BCAR3: variants seen among roughly 807,000 people sequenced by gnomAD.
BCAR3 encodes breast cancer anti-estrogen resistance protein 3.
A neutral mutation model predicts 80.1 loss-of-function variants in BCAR3; 37 were observed. That is an observed-to-expected ratio of 0.46 (90% CI 0.36 to 0.61). The LOEUF (loss-of-function observed/expected upper bound fraction) is 0.61, where lower values mean the gene tolerates loss of function less well. BCAR3 is among the 20% of genes least tolerant of loss of function. The pLI is 0.00. For missense variants in BCAR3, 978 were observed against 1,068.2 expected (o/e 0.92, Z 1.18); for synonymous variants, 389 against 418.9 (o/e 0.93, Z 0.87).
Position 93,568,663 on chromosome 1 carries a change from AAAAT to A in BCAR3, c.1975-816_1975-813del, listed in dbSNP as rs1256229760. On this transcript the variant is annotated intron_variant, in intron 9 of 11. Transcript: ENST00000260502. ...CCTGTCTATACGCACACCCCTTTTA[AAAAT>A]AAATACATGCATATTATATACTACA... 7.0e-4 allele frequency among the ~76,000 whole-genome samples: 106 copies of A among 152,330 alleles called. 1 individual carries two copies. Among genetic ancestry groups the A allele is most frequent in the Non-Finnish European group, 3.8e-4 (26 of 68,040 alleles).
chr1:93,828,742 C>T (rs751753334), intron 2 of BCAR3, among the ~76,000 whole-genome samples: 82 of 151,988 alleles, frequency 5.4e-4, no homozygotes, highest in Non-Finnish European at 8.5e-4. Flanking sequence ...TCACCCAGGC[C>T]GGAGTGCAGT....
intron 2 of BCAR3, among the ~76,000 whole-genome samples, chr1:93,838,410 T>G (rs1654843219): frequency 6.6e-6 from 1 of 152,218 alleles, no homozygotes. Flanking sequence ...TGAGAACACA[T>G]GTACTACTAT....
At chr1:93,711,682 A>G (rs957337330) in intron 2 of BCAR3, among the ~76,000 whole-genome samples, 4 of 152,226 alleles carry the variant, frequency 2.6e-5, no homozygotes, top group Non-Finnish European at 5.9e-5. Flanking sequence ...CCCAGAGCCT[A>G]GTACAGTACC....
At chr1:93,839,139 T>C (rs1654871567) in intron 2 of BCAR3, among the ~76,000 whole-genome samples, 2 of 151,964 alleles carry the variant, frequency 1.3e-5, no homozygotes, top group Admixed American at 6.6e-5. Flanking sequence ...ACTAAAAATA[T>C]AAAATTAGCT....
intron 8 of BCAR3, among the ~76,000 whole-genome samples, 191 bp downstream of exon 8, chr1:93,575,823 C>T (rs1231006367): frequency 6.6e-6 from 1 of 152,226 alleles, no homozygotes; most frequent in African/African-American, 2.4e-5. Context: ...CTGAGTTGTG[C>T]TGTCTTTGTG....
chr1:93,652,984 A>G (rs1014204748), intron 2 of BCAR3, among the ~76,000 whole-genome samples: 1 of 152,222 alleles, frequency 6.6e-6, no homozygotes, highest in Non-Finnish European at 1.5e-5. Flanking sequence ...TCTCATTAGT[A>G]ACCAGATTGA....
rs144486632 is a variant in BCAR3 at position 93,731,123 on chromosome 1, T to C, written c.-62-24981A>G. Among the ~76,000 whole-genome samples the C allele has an allele frequency of 4.9e-3, 750 of 152,274 alleles. 5 individuals are homozygous for C. Among genetic ancestry groups the C allele is most frequent in the African/African-American group, 0.017 (703 of 41,544 alleles). ...AGTAAGTACTCTTCAGAACTGCCAG[T>C]GTCATCAGAACAAGGAAAGTCAGAA... is the stretch of plus-strand genomic sequence containing the variant. On this transcript the variant is annotated intron_variant, in intron 2 of 13. Transcript: ENST00000370244.
chr1:93,570,830 A>G lies in BCAR3; in HGVS notation c.1974+840T>C, dbSNP rs541674273. On this transcript the variant is annotated intron_variant, in intron 9 of 11. Transcript: ENST00000260502. Reference sequence around the variant, plus strand: ...CCTAATTGGTTCTCCTTGAATCACTACTGTTCATGAGGATGACACTTGCTA... The same window carrying G: ...CCTAATTGGTTCTCCTTGAATCACTGCTGTTCATGAGGATGACACTTGCTA... Among the ~76,000 whole-genome samples, 4 of 152,340 alleles carry G rather than the reference A, an allele frequency of 2.6e-5. No individual in the cohort carries two copies. The East Asian group carries it at 7.7e-4, about 29-fold the overall frequency.
At chr1:93,655,090 C>T (rs746024555) in intron 2 of BCAR3, among the ~76,000 whole-genome samples, 7 of 152,106 alleles carry the variant, frequency 4.6e-5, no homozygotes, top group Non-Finnish European at 7.3e-5. Context: ...GCGCAGCGTT[C>T]GGGGCAGCAG....
intron 2 of BCAR3, among the ~76,000 whole-genome samples, chr1:93,711,771 T>A (rs1231248059): frequency 6.6e-6 from 1 of 152,200 alleles, no homozygotes. Flanking sequence ...GTTGTCCTCA[T>A]CTTGTTCTTA....
At chr1:93,625,216 T>TA (rs1218897969) in intron 3 of BCAR3, among the ~76,000 whole-genome samples, 1 of 152,078 alleles carries the variant, frequency 6.6e-6, no homozygotes, top group Non-Finnish European at 1.5e-5. Context: ...ATCTCAAAAA[T>TA]AAAAGAGTCA....
At chr1:93,697,019 T>C (rs10735786) in intron 3 of BCAR3, among the ~76,000 whole-genome samples, 107,423 of 152,160 alleles carry the variant, frequency 0.71, 40,689 homozygotes, top group East Asian at 0.98. Context: ...CACAAATGTG[T>C]CTGAAGCCAG....
chr1:93,663,412 G>T (rs1230669628), intron 2 of BCAR3, among the ~76,000 whole-genome samples: 1 of 152,168 alleles, frequency 6.6e-6, no homozygotes, highest in South Asian at 2.1e-4. Context: ...CACAGAGAAG[G>T]CAGGTCCAAA....
intron 3 of BCAR3, among the ~76,000 whole-genome samples, chr1:93,640,432 G>A (rs978277473): frequency 6.6e-6 from 1 of 152,102 alleles, no homozygotes; most frequent in Non-Finnish European, 1.5e-5. Context: ...AAAAAAAGTG[G>A]TGCATTCAGG....
intron 2 of BCAR3, among the ~76,000 whole-genome samples, chr1:93,817,214 A>G (rs1292771788): frequency 1.3e-5 from 2 of 152,196 alleles, no homozygotes; most frequent in East Asian, 3.8e-4. Context: ...GTGAGCAGGC[A>G]CTTTTAAGTA....
At chr1:93,807,644 T>A (rs1017575618) in intron 2 of BCAR3, among the ~76,000 whole-genome samples, 9 of 152,190 alleles carry the variant, frequency 5.9e-5, no homozygotes, top group African/African-American at 1.9e-4. Context: ...TGACTCCCTG[T>A]TTCTTCTCTC....
At chr1:93,588,838 G>A (rs569295546) in intron 5 of BCAR3, 139 bp downstream of exon 5, 25 of 973,936 alleles carry the variant, frequency 2.6e-5, no homozygotes, top group African/African-American at 6.6e-5. Flanking sequence ...TCACTGCCTC[G>A]TGACAGCTAT....
chr1:93,800,818 A>G (rs759655495), intron 2 of BCAR3, among the ~76,000 whole-genome samples: 23 of 152,196 alleles, frequency 1.5e-4, no homozygotes, highest in Admixed American at 3.3e-4. Context: ...GAAGGCTCCA[A>G]AGAAAAGAAG....
chr1:93,675,601 G>A (rs1017965565), intron 1 of BCAR3, among the ~76,000 whole-genome samples: 4 of 152,136 alleles, frequency 2.6e-5, no homozygotes, highest in African/African-American at 9.7e-5. Flanking sequence ...CCCACAGAGG[G>A]GTCAGGATCT....
Sources: gnomAD v4.1 joint callset for allele counts (sites outside exome capture counted in the v4.1 genomes callset) on GRCh38, gnomAD v4.1.1 for gene constraint, MANE v1.5 for transcripts, NCBI Gene and HGNC (gene_info 2026-07-23, HGNC 2026-07-21) for gene names.